SLC16A10: variants seen among roughly 807,000 people sequenced by gnomAD.
The protein encoded by SLC16A10 is solute carrier family 16 member 10.
In SLC16A10, 27 loss-of-function variants were observed where a neutral mutation model predicts 40.0. The observed-to-expected ratio is 0.67, with a 90% CI of 0.50 to 0.93. The LOEUF is 0.93. SLC16A10 is among the 40% of genes least tolerant of loss of function. The pLI, the probability that SLC16A10 is intolerant of heterozygous loss-of-function variation, is 0.00. For missense variants in SLC16A10, 529 were observed against 658.2 expected, an observed-to-expected ratio of 0.80 and a Z score of 2.15; for synonymous variants, 213 against 249.8, an observed-to-expected ratio of 0.85 and a Z score of 1.39.
At chr6:111,092,235 C>G (rs1040512198) in intron 1 of SLC16A10, among the ~76,000 whole-genome samples, 3 of 151,674 alleles carry the variant, frequency 2.0e-5, no homozygotes, top group Non-Finnish European at 1.5e-5. Context: ...CTGCCAATGA[C>G]ATGGCACTCA....
Position 111,177,225 on chromosome 6 carries a change from C to G in SLC16A10, c.502C>G (p.Leu168Val). 6.5e-7 allele frequency: 1 copy of G among 1,543,442 alleles called. No individual in the cohort carries two copies. Among genetic ancestry groups the G allele is most frequent in the Non-Finnish European group, 8.7e-7 (1 of 1,147,960 alleles). The change falls in exon 3 of 6, where the codon CTG becomes GTG. Residue 168 changes from leucine (L) to valine (V), a missense_variant. Leu to Val is a conservative substitution (Grantham distance 32). Transcript: ENST00000368851. ...SSSFVSSIEPLYLTYGIIFAC... is the reference protein window; with the variant it reads ...SSSFVSSIEPVYLTYGIIFAC... ...ATCTTTATACAGTTCCATCGAGCCT[C>G]TGTACCTTACCTATGGAATCATATT... is the stretch of plus-strand genomic sequence containing the variant.
At chr6:111,100,992 CTA>C (rs71021826) in intron 1 of SLC16A10, among the ~76,000 whole-genome samples, 3,238 of 66,044 alleles carry the variant, frequency 0.049, 37 homozygotes, top group Admixed American at 0.064. Context: ...CTCTCTCTCT[CTA>C]TATATATATA....
rs372720728 is a variant in SLC16A10, at chr6:111,149,106, G to A, written c.344-23589G>A. The stretch of plus-strand genomic sequence containing the variant: ...ACTACAGATACTCTCATTGATAAAG[G>A]AATGATGTCTTTATGCTTTCAAGCA... On this transcript the variant is annotated intron_variant, in intron 1 of 5. Transcript: ENST00000368851. Among the ~76,000 whole-genome samples, 7 of 152,214 alleles carry A rather than the reference G, an allele frequency of 4.6e-5. No individual in the cohort carries two copies. The South Asian group carries it at 6.2e-4, about 14-fold the overall frequency.
intron 3 of SLC16A10, among the ~76,000 whole-genome samples, chr6:111,199,957 A>G (rs1304577458): frequency 6.6e-6 from 1 of 152,122 alleles, no homozygotes; most frequent in Non-Finnish European, 1.5e-5. Flanking sequence ...GCCCTTTGGT[A>G]GCTATGAAAT....
chr6:111,217,580 G>C (rs1401245729), intron 4 of SLC16A10, among the ~76,000 whole-genome samples: 2 of 149,860 alleles, frequency 1.3e-5, no homozygotes, highest in East Asian at 3.9e-4. Context: ...CTCCCGAGTA[G>C]CTGGGATTAC....
chr6:111,210,640 C>T (rs1047178732), intron 4 of SLC16A10, among the ~76,000 whole-genome samples: 4 of 152,028 alleles, frequency 2.6e-5, no homozygotes, highest in African/African-American at 4.8e-5. Flanking sequence ...TGTGTGGAAA[C>T]CCAAGAAGAT....
At chr6:111,173,795 G>C (rs754476962) in intron 2 of SLC16A10, among the ~76,000 whole-genome samples, 3 of 152,090 alleles carry the variant, frequency 2.0e-5, no homozygotes, top group Non-Finnish European at 4.4e-5. Flanking sequence ...TCTACATTAT[G>C]ATGAGTTGTA....
In SLC16A10 at chr6:111,118,668, A is replaced by G. The variant is rs1161324289; in HGVS notation, c.343+30573A>G. Among the ~76,000 whole-genome samples the G allele has an allele frequency of 3.0e-5, 4 of 133,228 alleles. No homozygotes were observed. In the East Asian group the frequency reaches 9.0e-4, roughly 30 times the overall value. 87.4% of individuals were successfully genotyped at this position (133,228 alleles called of 152,430 possible). ...TGCACCCCAGCCTGGCAACAGAGTG[A>G]GCCTCCGTCTCAAAAAAAAAAAAAA... On this transcript the variant is annotated intron_variant, in intron 1 of 5. Coordinates refer to ENST00000368851, the MANE Select transcript of SLC16A10 (RefSeq NM_018593.5).
rs1770968881 is a variant in SLC16A10, at chr6:111,225,195, GCTTACTC to G, written c.*2962_*2968del. ...TCATCTCTTTGATCATATTTACAAT[GCTTACTC>G]CATAGCCCTGCTACAAGACTTAAAA... On this transcript the variant is annotated 3_prime_UTR_variant, in exon 6 of 6. Transcript: ENST00000368851. 6.6e-6 allele frequency: 1 copy of G among 152,106 alleles called. No individual in the cohort carries two copies. The allele number at this position is 152,106 out of a possible 1,614,324, so 9.4% of individuals were successfully genotyped here. A position where few individuals can be genotyped will look rare whatever the true frequency, so the allele number is the denominator to read the frequency against.
chr6:111,117,197 A>T (rs1771501848), intron 1 of SLC16A10, among the ~76,000 whole-genome samples: 1 of 151,914 alleles, frequency 6.6e-6, no homozygotes, highest in African/African-American at 2.4e-5. Flanking sequence ...AGAAATACAA[A>T]AAAAATTAGC....
intron 5 of SLC16A10, among the ~76,000 whole-genome samples, chr6:111,219,451 C>T (rs924344820): frequency 6.6e-6 from 1 of 151,874 alleles, no homozygotes; most frequent in African/African-American, 2.4e-5. Context: ...ATTGCTTGAG[C>T]CCAGAGGTCA....
intron 1 of SLC16A10, among the ~76,000 whole-genome samples, chr6:111,093,773 T>C (rs1041196450): frequency 6.6e-6 from 1 of 152,150 alleles, no homozygotes; most frequent in African/African-American, 2.4e-5. Context: ...AAATACCTGA[T>C]TGTTATTTAC....
chr6:111,217,757 G>C (rs766384896), intron 4 of SLC16A10, among the ~76,000 whole-genome samples: 1 of 152,002 alleles, frequency 6.6e-6, no homozygotes, highest in Non-Finnish European at 1.5e-5. Flanking sequence ...GCCATGAATG[G>C]TTCAGTTTTA....
intron 2 of SLC16A10, among the ~76,000 whole-genome samples, chr6:111,175,842 G>A (rs1208795084): frequency 6.6e-6 from 1 of 151,894 alleles, no homozygotes; most frequent in Non-Finnish European, 1.5e-5. Context: ...AGGACTACAG[G>A]CATGTGCCAT....
intron 1 of SLC16A10, among the ~76,000 whole-genome samples, chr6:111,154,104 T>A (rs1772225148): frequency 6.6e-6 from 1 of 152,226 alleles, no homozygotes; most frequent in Non-Finnish European, 1.5e-5. Context: ...GTTTATTATT[T>A]CCTCTCTATA....
At chr6:111,139,951 A>C (rs1228397428) in intron 1 of SLC16A10, among the ~76,000 whole-genome samples, 1 of 152,166 alleles carries the variant, frequency 6.6e-6, no homozygotes, top group African/African-American at 2.4e-5. Context: ...GGTGGGAGCT[A>C]AATGATAAGA....
intron 1 of SLC16A10, among the ~76,000 whole-genome samples, chr6:111,159,881 ATGACTAATGATAT>A (rs1291778215): frequency 2.0e-5 from 3 of 152,166 alleles, no homozygotes; most frequent in African/African-American, 7.2e-5. Context: ...CAGTTCCCTG[ATGACTAATGATAT>A]TGGGTGTCAT....
chr6:111,137,860 C>T (rs1771909696), intron 1 of SLC16A10, among the ~76,000 whole-genome samples: 1 of 152,174 alleles, frequency 6.6e-6, no homozygotes, highest in Non-Finnish European at 1.5e-5. Flanking sequence ...TCACACCCGA[C>T]CAATGAGGTA....
intron 1 of SLC16A10, among the ~76,000 whole-genome samples, chr6:111,098,163 G>A (rs1385594272): frequency 1.3e-5 from 2 of 152,084 alleles, no homozygotes; most frequent in Non-Finnish European, 1.5e-5. Context: ...TAAATTAGCC[G>A]GGCATGGTGG....
Sources: gnomAD v4.1 joint callset for allele counts (sites outside exome capture counted in the v4.1 genomes callset) on GRCh38, gnomAD v4.1.1 for gene constraint, MANE v1.5 for transcripts, NCBI Gene and HGNC (gene_info 2026-07-23, HGNC 2026-07-21) for gene names.